Variants in DHRS7B observed in about 807,000 individuals in gnomAD.
DHRS7B encodes dehydrogenase/reductase 7B.
Under a neutral mutation model 26.4 loss-of-function variants are expected in DHRS7B, and 24 were observed. That is an observed-to-expected ratio of 0.91 (90% CI 0.66 to 1.28). DHRS7B has a LOEUF of 1.28. DHRS7B is among the 50% of genes most tolerant of loss of function. The probability of loss-of-function intolerance (pLI) is 0.00; values close to 1 mark genes in which losing one functional copy is unlikely to be tolerated. For synonymous variants in DHRS7B, 142 were observed against 166.4 expected (o/e 0.85, Z 1.13); for missense variants, 368 against 419.4 (o/e 0.88, Z 1.07).
chr17:21,182,483 AG>A, intron 3 of DHRS7B, among the ~76,000 whole-genome samples: 1 of 152,300 alleles, frequency 6.6e-6, no homozygotes, highest in East Asian at 1.9e-4. Flanking sequence ...TCCCGACCTC[AG>A]GTGATCCACC....
chr17:21,148,750 A>G (rs1973696216), intron 1 of DHRS7B, among the ~76,000 whole-genome samples: 1 of 152,150 alleles, frequency 6.6e-6, no homozygotes, highest in Non-Finnish European at 1.5e-5. Flanking sequence ...TAAAAAACAA[A>G]CAAACAAAAC....
chr17:21,187,114 A>ATATATATATAT (rs1567631166), intron 5 of DHRS7B, among the ~76,000 whole-genome samples: 3 of 100,248 alleles, frequency 3.0e-5, no homozygotes, highest in African/African-American at 1.4e-4. Context: ...TATATATATA[A>ATATATATATAT]AATATATAAA....
intron 3 of DHRS7B, among the ~76,000 whole-genome samples, chr17:21,180,073 CTTTTTTTTT>C (rs59348588): frequency 2.5e-4 from 31 of 121,898 alleles, no homozygotes; most frequent in African/African-American, 9.6e-4. Context: ...AGCCCACTTT[CTTTTTTTTT>C]TTTTTTTTTT....
intron 1 of DHRS7B, among the ~76,000 whole-genome samples, chr17:21,143,968 T>C (rs1842440785): frequency 6.6e-6 from 1 of 152,240 alleles, no homozygotes; most frequent in African/African-American, 2.4e-5. Context: ...ATGAATCAAG[T>C]GGCCTTTCTT....
intron 1 of DHRS7B, among the ~76,000 whole-genome samples, chr17:21,159,271 G>A (rs1407925650): frequency 1.3e-5 from 2 of 148,214 alleles, no homozygotes; most frequent in African/African-American, 5.0e-5. Flanking sequence ...TTTTAAAGAC[G>A]GAGTCTTGCT....
At chr17:21,160,601 A>T (rs1044091193) in intron 1 of DHRS7B, among the ~76,000 whole-genome samples, 1 of 152,336 alleles carries the variant, frequency 6.6e-6, no homozygotes. Context: ...GGAGCAATAG[A>T]AACTCTTATT....
intron 1 of DHRS7B, among the ~76,000 whole-genome samples, chr17:21,140,042 T>TTTTTTTTTG (rs1390350748): frequency 8.8e-6 from 1 of 113,954 alleles, no homozygotes; most frequent in Non-Finnish European, 1.9e-5. Flanking sequence ...TTTTTTTTTT[T>TTTTTTTTTG]GAGACAGAGT....
chr17:21,152,195 C>T (rs1334248620), intron 1 of DHRS7B, among the ~76,000 whole-genome samples: 2 of 152,280 alleles, frequency 1.3e-5, no homozygotes, highest in African/African-American at 4.8e-5. Context: ...CACTGTGTCA[C>T]CCAGGCCAGA....
At chr17:21,189,602 G>T (rs1017163849) in intron 6 of DHRS7B, among the ~76,000 whole-genome samples, 1 of 152,208 alleles carries the variant, frequency 6.6e-6, no homozygotes, top group Non-Finnish European at 1.5e-5. Context: ...TCCTGCGCCC[G>T]GCCCAGCCAG....
intron 1 of DHRS7B, among the ~76,000 whole-genome samples, chr17:21,161,180 GC>G (rs1973992822): frequency 1.3e-5 from 2 of 152,174 alleles, no homozygotes; most frequent in African/African-American, 4.8e-5. Flanking sequence ...CTGAGAGTGG[GC>G]ACTAATGTAA....
At chr17:21,184,276 C>G in intron 4 of DHRS7B, 95 bp from the exon 5 acceptor site, 1 of 1,111,532 alleles carries the variant, frequency 9.0e-7, no homozygotes, top group Non-Finnish European at 1.3e-6. Context: ...CTCCCTCATT[C>G]TGACTAAATA....
At position 21,157,461 on chromosome 17, in the gene DHRS7B, C is replaced by T. The variant is rs528217500; in HGVS notation, c.21-14557C>T. ...TTGTAATCCCAGCACGTTGGGAGGG[C>T]TGAGGTGAGAGAATTGCGTGAGGCC... On this transcript the variant is annotated intron_variant, in intron 1 of 6. Coordinates refer to ENST00000395511, the MANE Select transcript of DHRS7B (RefSeq NM_015510.5). 3.9e-5 allele frequency among the ~76,000 whole-genome samples: 6 copies of T among 152,162 alleles called. No individual in the cohort carries two copies. In the South Asian group the frequency reaches 1.2e-3, roughly 32 times the overall value.
intron 1 of DHRS7B, among the ~76,000 whole-genome samples, chr17:21,157,336 A>G (rs145991420): frequency 6.6e-6 from 1 of 152,370 alleles, no homozygotes; most frequent in Non-Finnish European, 1.5e-5. Context: ...ATTGAATGCA[A>G]TAATGTATGA....
At chr17:21,173,374 A>T (rs552980837) in intron 2 of DHRS7B, among the ~76,000 whole-genome samples, 1 of 152,244 alleles carries the variant, frequency 6.6e-6, no homozygotes, top group Admixed American at 6.5e-5. Flanking sequence ...TACAAAACCT[A>T]GAGTCAAACC....
chr17:21,183,722 C>G lies in DHRS7B; in HGVS notation c.438C>G (p.Ser146Arg), dbSNP rs769786745. ...VDILVNNAGISYRGTIMDTTV... is the reference protein window; with the variant it reads ...VDILVNNAGIRYRGTIMDTTV... ...TACTTGTCAACAATGCTGGGATCAG[C>G]TACCGTGGTACCATCATGGACACCA... The change falls in exon 4 of 7, where the codon AGC becomes AGG. Residue 146 changes from serine (S) to arginine (R), a missense_variant. Ser to Arg is a moderately radical substitution (Grantham distance 110). Coordinates refer to ENST00000395511, the MANE Select transcript of DHRS7B (RefSeq NM_015510.5). 2 of 1,614,110 alleles carry G rather than the reference C, an allele frequency of 1.2e-6. No individual in the cohort carries two copies. Among genetic ancestry groups the G allele is most frequent in the African/African-American group, 2.7e-5 (2 of 74,928 alleles).
chr17:21,178,114 C>G (rs1264317947), intron 2 of DHRS7B, 119 bp from the exon 3 acceptor site: 3 of 931,494 alleles, frequency 3.2e-6, no homozygotes, highest in Non-Finnish European at 4.9e-6. Context: ...CTGGGCCACA[C>G]AGCAGGGGCC....
chr17:21,191,125 G>C lies in DHRS7B; in HGVS notation c.950G>C (p.Arg317Thr). The C allele has an allele frequency of 6.2e-7, 1 of 1,613,774 alleles. No individual in the cohort carries two copies. Among genetic ancestry groups the C allele is most frequent in the Non-Finnish European group, 8.5e-7 (1 of 1,180,048 alleles). The part of the protein sequence containing the change: ...LFFSLMASRA[R>T]KERKSKNS ...TTCAGCCTCATGGCCTCCAGGGCCA[G>C]AAAAGAGCGGAAATCCAAGAACTCC... The change falls in exon 7 of 7, where the codon AGA becomes ACA. Residue 317 changes from arginine (R) to threonine (T), a missense_variant. Arg to Thr is a moderately conservative substitution (Grantham distance 71). Coordinates refer to ENST00000395511, the MANE Select transcript of DHRS7B (RefSeq NM_015510.5).
chr17:21,171,432 G>T (rs1235138852), intron 1 of DHRS7B, among the ~76,000 whole-genome samples: 1 of 152,226 alleles, frequency 6.6e-6, no homozygotes, highest in African/African-American at 2.4e-5. Flanking sequence ...TTGGGGCAGG[G>T]CCCTGCACTG....
intron 1 of DHRS7B, among the ~76,000 whole-genome samples, chr17:21,138,085 T>TACAC (rs1567616058): frequency 1.1e-4 from 7 of 65,126 alleles, no homozygotes; most frequent in African/African-American, 3.5e-4. Context: ...AATATATATA[T>TACAC]ATATATATAT....
Sources: gnomAD v4.1 joint callset for allele counts (sites outside exome capture counted in the v4.1 genomes callset) on GRCh38, gnomAD v4.1.1 for gene constraint, MANE v1.5 for transcripts, NCBI Gene and HGNC (gene_info 2026-07-23, HGNC 2026-07-21) for gene names.